The following KIF6 variants were observed in gnomAD, a reference collection of about 807,000 sequenced individuals.
KIF6 encodes the protein kinesin-like protein KIF6.
A neutral mutation model predicts 112.7 loss-of-function variants in KIF6; 106 were observed. The observed-to-expected ratio is 0.94, with a 90% CI of 0.80 to 1.11. The LOEUF is 1.11. KIF6 is among the 50% of genes least tolerant of loss of function. The pLI is 0.00. For synonymous variants in KIF6, 339 were observed against 339.9 expected (o/e 1.00, Z 0.03); for missense variants, 929 against 964.0 (o/e 0.96, Z 0.48).
At chr6:39,639,546 T>G in intron 4 of KIF6, 64 bp downstream of exon 4, 1 of 1,285,676 alleles carries the variant, frequency 7.8e-7, no homozygotes, top group East Asian at 2.6e-5. Flanking sequence ...ATAAATTTCC[T>G]GCTTTCAGTA....
chr6:39,600,463 T>C (rs1782511307), intron 6 of KIF6, among the ~76,000 whole-genome samples: 1 of 152,164 alleles, frequency 6.6e-6, no homozygotes, highest in African/African-American at 2.4e-5. Flanking sequence ...AGAATGAGCA[T>C]GAAATGAGAA....
intron 3 of KIF6, among the ~76,000 whole-genome samples, chr6:39,677,679 C>A (rs1369684557): frequency 9.1e-6 from 1 of 109,640 alleles, no homozygotes; most frequent in Admixed American, 9.9e-5. Context: ...CTATCCCTCC[C>A]CCCTCCCCCG....
chr6:39,363,382 C>A (rs1765319432), intron 16 of KIF6, among the ~76,000 whole-genome samples: 1 of 152,126 alleles, frequency 6.6e-6, no homozygotes, highest in Non-Finnish European at 1.5e-5. Context: ...GGCGATGGGA[C>A]CATCATGAGG....
chr6:39,663,489 A>G (rs468176), intron 3 of KIF6, among the ~76,000 whole-genome samples: 134,801 of 152,066 alleles, frequency 0.89, 60,308 homozygotes, highest in East Asian at 0.97. Context: ...CAAAGGCAGA[A>G]GCATGGCCAG....
chr6:39,460,504 C>T (rs1362134434), intron 13 of KIF6, among the ~76,000 whole-genome samples: 1 of 120,736 alleles, frequency 8.3e-6, no homozygotes, highest in African/African-American at 3.3e-5. Flanking sequence ...TGCACATGTA[C>T]CCTAAAACTT....
chr6:39,596,299 G>T, intron 6 of KIF6, 39 bp from the exon 7 acceptor site: 1 of 1,329,938 alleles, frequency 7.5e-7, no homozygotes, highest in Non-Finnish European at 1.1e-6. Flanking sequence ...TTTGAACAAT[G>T]AAAATTTTTA....
At chr6:39,657,473 T>C (rs1785870559) in intron 3 of KIF6, among the ~76,000 whole-genome samples, 1 of 152,024 alleles carries the variant, frequency 6.6e-6, no homozygotes, top group South Asian at 2.1e-4. Context: ...TTTAAAATAA[T>C]AGTATAGCCA....
chr6:39,419,476 TG>T (rs1770189338), intron 15 of KIF6, among the ~76,000 whole-genome samples: 1 of 152,040 alleles, frequency 6.6e-6, no homozygotes, highest in African/African-American at 2.4e-5. Context: ...GCCTCCACCT[TG>T]GGAAGGCACG....
At chr6:39,572,359 T>C (rs2150623117) in intron 10 of KIF6, among the ~76,000 whole-genome samples, 1 of 152,328 alleles carries the variant, frequency 6.6e-6, no homozygotes, top group South Asian at 2.1e-4. Flanking sequence ...CTCCTTGGAA[T>C]TATTTTTTGT....
chr6:39,467,144 A>C (rs1228562784), intron 13 of KIF6, among the ~76,000 whole-genome samples: 3 of 152,222 alleles, frequency 2.0e-5, no homozygotes, highest in African/African-American at 7.2e-5. Context: ...GTGCTGTAGA[A>C]AACAATGGAG....
chr6:39,692,212 A>C (rs905397205), intron 3 of KIF6, among the ~76,000 whole-genome samples: 1 of 152,198 alleles, frequency 6.6e-6, no homozygotes, highest in Non-Finnish European at 1.5e-5. Flanking sequence ...TGTACAGAAA[A>C]AACGTAAATC....
chr6:39,349,185 CATCTT>C (rs1441943619), intron 19 of KIF6, among the ~76,000 whole-genome samples: 2 of 152,172 alleles, frequency 1.3e-5, no homozygotes, highest in Non-Finnish European at 2.9e-5. Flanking sequence ...ATCCAGGAAT[CATCTT>C]AAGTTGGAAT....
intron 13 of KIF6, among the ~76,000 whole-genome samples, chr6:39,486,785 T>G (rs994065011): frequency 6.6e-6 from 1 of 152,232 alleles, no homozygotes; most frequent in Non-Finnish European, 1.5e-5. Flanking sequence ...ATAACATGAT[T>G]GCAAAGGTTG....
chr6:39,373,884 C>G, intron 16 of KIF6, among the ~76,000 whole-genome samples: 1 of 152,092 alleles, frequency 6.6e-6, no homozygotes, highest in South Asian at 2.1e-4. Context: ...AAAATCCTAA[C>G]GTTCATCTGG....
Position 39,544,556 on chromosome 6 carries a change from G to T in KIF6, c.1425C>A (p.Ile475=). The part of the protein sequence containing the change: ...RDILKQRDNE[I]NILVNMLKKE... ...TCTTCATCACTTCAGAAAGGATACTGATTTCGTTATCTCTCTGTTTCAGAA... is the reference window on the plus strand; with the variant it reads ...TCTTCATCACTTCAGAAAGGATACTTATTTCGTTATCTCTCTGTTTCAGAA... Residue 475 remains isoleucine, a splice_region_variant and synonymous_variant, in exon 12 of 23, where the codon ATC becomes ATA. Transcript: ENST00000287152. 1 of 1,611,328 alleles carries T rather than the reference G, an allele frequency of 6.2e-7. No homozygotes were observed. The highest frequency in any genetic ancestry group is 1.1e-5 in the South Asian group (1 of 90,394).
At chr6:39,485,786 C>T (rs1369789575) in intron 13 of KIF6, among the ~76,000 whole-genome samples, 3 of 152,178 alleles carry the variant, frequency 2.0e-5, no homozygotes, top group African/African-American at 7.2e-5. Context: ...TGTGCCAACA[C>T]AGGAAGGAAG....
At position 39,378,309 on chromosome 6, in the gene KIF6, CACACATACA is replaced by C. The variant is rs560901358; in HGVS notation, c.1861+7304_1861+7312del. Among the ~76,000 whole-genome samples, 5 of 151,826 alleles carry C rather than the reference CACACATACA, an allele frequency of 3.3e-5. No homozygotes were observed. Among genetic ancestry groups the C allele is most frequent in the Non-Finnish European group, 5.9e-5 (4 of 67,894 alleles). On this transcript the variant is annotated intron_variant, in intron 16 of 22. Coordinates refer to ENST00000287152, the MANE Select transcript of KIF6 (RefSeq NM_145027.6). The surrounding 1 kb of genome is among the most constrained non-coding windows in gnomAD (Gnocchi z 5.0). ...ACACACCACACACACAAGCACAAAA[CACACATACA>C]ACACATACAACATATCCAACATACC... is the stretch of plus-strand genomic sequence containing the variant.
chr6:39,346,572 A>ATTT, intron 19 of KIF6, 46 bp from the exon 20 acceptor site: 4 of 672,006 alleles, frequency 6.0e-6, no homozygotes, highest in Non-Finnish European at 1.1e-5. Flanking sequence ...AGTCTATAGT[A>ATTT]TTTTGTTATA....
intron 3 of KIF6, among the ~76,000 whole-genome samples, chr6:39,680,122 C>T (rs575525441): frequency 6.6e-6 from 1 of 152,150 alleles, no homozygotes; most frequent in Non-Finnish European, 1.5e-5. Context: ...ATTCTCATGC[C>T]TCAGCCTCCC....
Sources: gnomAD v4.1 joint callset for allele counts (sites outside exome capture counted in the v4.1 genomes callset) on GRCh38, gnomAD v4.1.1 for gene constraint, Gnocchi (gnomAD v3.1) non-coding constraint, MANE v1.5 for transcripts, NCBI Gene and HGNC (gene_info 2026-07-23, HGNC 2026-07-21) for gene names.